DYNC2H1: variants seen among roughly 807,000 people sequenced by gnomAD.
DYNC2H1 encodes the protein cytoplasmic dynein 2 heavy chain 1.
In DYNC2H1, 410 loss-of-function variants were observed where a neutral mutation model predicts 570.0. That is an observed-to-expected ratio of 0.72 (90% confidence interval 0.66 to 0.78). DYNC2H1 has a LOEUF of 0.78. Ranked by LOEUF, DYNC2H1 falls within the 30% of genes least tolerant of loss-of-function variation. The pLI, the probability that DYNC2H1 is intolerant of heterozygous loss-of-function variation, is 0.00. For missense variants in DYNC2H1, 4,865 were observed against 5,046.4 expected, an observed-to-expected ratio of 0.96 and a Z score of 1.09; for synonymous variants, 1,688 against 1,677.6, an observed-to-expected ratio of 1.01 and a Z score of -0.15.
At chr11:103,154,394 T>C in intron 22 of DYNC2H1, 57 bp from the exon 23 acceptor site, 1 of 1,401,594 alleles carries the variant, frequency 7.1e-7, no homozygotes, top group Non-Finnish European at 9.6e-7. Flanking sequence ...TAATGATACT[T>C]AACAGTATCA....
chr11:103,349,686 C>T (rs1247629974), intron 82 of DYNC2H1, among the ~76,000 whole-genome samples: 1 of 152,134 alleles, frequency 6.6e-6, no homozygotes, highest in East Asian at 1.9e-4. Flanking sequence ...GTGACAGGTT[C>T]ATTCTCAATT....
intron 82 of DYNC2H1, among the ~76,000 whole-genome samples, chr11:103,341,852 C>T (rs1939455914): frequency 6.6e-6 from 1 of 152,172 alleles, no homozygotes; most frequent in Non-Finnish European, 1.5e-5. Context: ...AAACAATAAG[C>T]TCTGCAGTAT....
intron 34 of DYNC2H1, among the ~76,000 whole-genome samples, chr11:103,172,104 A>G (rs1648429628): frequency 6.6e-6 from 1 of 152,208 alleles, no homozygotes; most frequent in Non-Finnish European, 1.5e-5. Context: ...GTAGCCCAAG[A>G]ATGTAAGACC....
chr11:103,327,868 A>T (rs1022298052), intron 82 of DYNC2H1, among the ~76,000 whole-genome samples: 2 of 152,200 alleles, frequency 1.3e-5, no homozygotes, highest in Non-Finnish European at 2.9e-5. Flanking sequence ...CAGTGCTTGT[A>T]TACCAACACA....
intron 8 of DYNC2H1, 32 bp from the exon 9 acceptor site, chr11:103,120,893 G>A: frequency 1.5e-6 from 2 of 1,299,008 alleles, no homozygotes; most frequent in Middle Eastern, 2.3e-4. Context: ...GATCCGTTGG[G>A]ATGAACATGT....
intron 85 of DYNC2H1, 40 bp downstream of exon 85, chr11:103,436,072 G>A (rs1944049760): frequency 1.3e-6 from 2 of 1,565,002 alleles, no homozygotes; most frequent in African/African-American, 2.7e-5. Flanking sequence ...GTCTGACTGT[G>A]TGACTATTGT....
chr11:103,360,933 G>T (rs1940605741), intron 83 of DYNC2H1, among the ~76,000 whole-genome samples: 1 of 152,178 alleles, frequency 6.6e-6, no homozygotes. Flanking sequence ...AAGTGAAATG[G>T]AATCCAAGAT....
Position 103,469,623 on chromosome 11 carries a change from A to G in DYNC2H1, c.12765+918A>G, listed in dbSNP as rs146952361. ...AGTTAGCAACATTGCCAAGACAGCT[A>G]TAAGAGTATCCTCTGACCTAAAAGA... is the stretch of plus-strand genomic sequence containing the variant. On this transcript the variant is annotated intron_variant, in intron 88 of 88. Transcript: ENST00000375735. Among the ~76,000 whole-genome samples the G allele has an allele frequency of 7.4e-4, 112 of 152,332 alleles. 1 individual carries two copies. The highest frequency in any genetic ancestry group is 3.3e-3 in the South Asian group (16 of 4,834).
At chr11:103,237,474 C>T (rs193082778) in intron 63 of DYNC2H1, among the ~76,000 whole-genome samples, 9 of 152,002 alleles carry the variant, frequency 5.9e-5, no homozygotes, top group African/African-American at 7.2e-5. Context: ...GGTAACTTAC[C>T]GGTAGAGAAG....
intron 83 of DYNC2H1, 55 bp downstream of exon 83, chr11:103,358,414 A>G: frequency 8.3e-7 from 1 of 1,203,186 alleles, no homozygotes; most frequent in African/African-American, 1.5e-5. Context: ...CATCGTAACC[A>G]TGTGCTCCCC....
intron 84 of DYNC2H1, among the ~76,000 whole-genome samples, chr11:103,432,671 T>TAAGA (rs10664424): frequency 0.55 from 83,750 of 151,448 alleles, 23,724 homozygotes; most frequent in East Asian, 0.71. Context: ...AAAAAAAAAT[T>TAAGA]GAGAAATGCT....
Position 103,312,564 on chromosome 11 carries a change from AAACC to A in DYNC2H1, c.11649+534_11649+537del, listed in dbSNP as rs1565486815. 7.9e-5 allele frequency among the ~76,000 whole-genome samples: 8 copies of A among 101,738 alleles called. 1 individual carries two copies. The highest frequency in any genetic ancestry group is 1.2e-4 in the Admixed American group (1 of 8,212). 66.7% of individuals were successfully genotyped at this position (101,738 alleles called of 152,430 possible). A position where few individuals can be genotyped will look rare whatever the true frequency, so the allele number is the denominator to read the frequency against. On this transcript the variant is annotated intron_variant, in intron 79 of 88. Transcript: ENST00000375735. ...CTCAAAAAAAAAAAAAAAAAAAAAA[AAACC>A]AATTGTAATGTAGTATAAATAGCTA...
intron 88 of DYNC2H1, among the ~76,000 whole-genome samples, chr11:103,471,044 C>T (rs529057004): frequency 8.5e-5 from 13 of 152,238 alleles, no homozygotes; most frequent in East Asian, 5.8e-4. Flanking sequence ...AGTGTAAAAG[C>T]ATTCCTATTT....
intron 75 of DYNC2H1, among the ~76,000 whole-genome samples, chr11:103,295,075 C>T (rs1188757154): frequency 6.6e-6 from 1 of 152,044 alleles, no homozygotes; most frequent in East Asian, 1.9e-4. Flanking sequence ...CCCAAGCCCA[C>T]TGCTATGGAC....
chr11:103,359,479 T>A (rs1027063734), intron 83 of DYNC2H1, among the ~76,000 whole-genome samples: 3 of 152,144 alleles, frequency 2.0e-5, no homozygotes, highest in Admixed American at 1.3e-4. Flanking sequence ...TCTCCCTCAC[T>A]GCCAGCACAC....
In DYNC2H1 at chr11:103,135,820, G is replaced by C. The variant is rs889490263; in HGVS notation, c.2446G>C (p.Val816Leu). Residue 816 changes from valine to leucine, a missense_variant, in exon 17 of 89, where the codon GTG becomes CTG. This residue lies in a region of DYNC2H1 where 1,936 missense variants were observed against 1,962.1 expected (regional missense o/e 0.99). Transcript: ENST00000375735. ...CGGCATTCCAAATCAGTTTAAGGGA[G>C]TGGGTGAGGCAGGAGATGAATCTAT... ...FIGIPNQFKG[V>L]GEAGDESIFS... is the part of the protein sequence containing the mutation. 1.2e-6 allele frequency: 2 copies of C among 1,613,128 alleles called. No individual in the cohort carries two copies. The highest frequency in any genetic ancestry group is 2.7e-5 in the African/African-American group (2 of 74,910).
In DYNC2H1 at chr11:103,134,324, G is replaced by C. The variant is rs889159666; in HGVS notation, c.2110G>C (p.Val704Leu). The C allele has an allele frequency of 1.2e-6, 2 of 1,612,334 alleles. No homozygotes were observed. The highest frequency in any genetic ancestry group is 1.7e-5 in the Admixed American group (1 of 59,900). ...AGCATGCTCTAATTTTTCATAGGTG[G>C]TTGTTCTTATGAATATTGATCTGCT... is the stretch of plus-strand genomic sequence containing the variant. ...KWHTTFCEKV[V>L]VLMNIDLLRQ... The change falls in exon 15 of 89, where the codon GTT becomes CTT. Residue 704 changes from valine to leucine, a missense_variant. Physicochemically the swap from Val to Leu is conservative, Grantham distance 32. Coordinates refer to ENST00000375735, the MANE Select transcript of DYNC2H1 (RefSeq NM_001377.3).
intron 45 of DYNC2H1, among the ~76,000 whole-genome samples, 197 bp downstream of exon 45, chr11:103,190,013 C>T (rs1012263208): frequency 1.3e-5 from 2 of 152,154 alleles, no homozygotes; most frequent in Non-Finnish European, 2.9e-5. Flanking sequence ...TTCTAATAGG[C>T]ACTCGATATT....
chr11:103,451,436 G>T (rs577766370), intron 85 of DYNC2H1, among the ~76,000 whole-genome samples: 1 of 144,326 alleles, frequency 6.9e-6, no homozygotes, highest in Non-Finnish European at 1.5e-5. Context: ...AGGTTCAAGC[G>T]ATTCTCCTGC....
Sources: allele counts gnomAD v4.1 joint callset (sites outside exome capture counted in the v4.1 genomes callset), GRCh38; gene constraint gnomAD v4.1.1; regional missense constraint gnomAD v4.1.1; transcripts MANE v1.5; gene names NCBI Gene and HGNC (gene_info 2026-07-23, HGNC 2026-07-21).